The following EYS variants were observed in gnomAD, a reference collection of about 807,000 sequenced individuals.
The protein encoded by EYS is EGF-like photoreceptor maintenance factor.
In EYS, 250 loss-of-function variants were observed where a neutral mutation model predicts 282.1. That is an observed-to-expected ratio of 0.89 (90% confidence interval 0.80 to 0.98). The LOEUF is 0.98. Among genes scored for constraint, EYS ranks in the 50% least tolerant of loss-of-function variants. The probability of loss-of-function intolerance (pLI) is 0.00; values close to 1 mark genes in which losing one functional copy is unlikely to be tolerated. For synonymous variants in EYS, 1,355 were observed against 1,282.9 expected (o/e 1.06, Z -1.20); for missense variants, 4,016 against 3,709.0 (o/e 1.08, Z -2.15).
chr6:64,392,750 T>C (rs911589391), intron 28 of EYS, among the ~76,000 whole-genome samples: 2 of 148,864 alleles, frequency 1.3e-5, no homozygotes, highest in African/African-American at 2.5e-5. Context: ...TTTCAAAAGC[T>C]AGCAGAAGGC....
intron 22 of EYS, among the ~76,000 whole-genome samples, chr6:64,655,744 A>G (rs761837328): frequency 6.6e-6 from 1 of 152,032 alleles, no homozygotes; most frequent in Non-Finnish European, 1.5e-5. Context: ...TTATTGTCAA[A>G]TAAATTGGCT....
chr6:64,716,949 C>A (rs1398061097), intron 22 of EYS, among the ~76,000 whole-genome samples: 1 of 152,088 alleles, frequency 6.6e-6, no homozygotes, highest in Non-Finnish European at 1.5e-5. Context: ...TTAAGTAGGA[C>A]TCTTGGTATT....
At chr6:65,432,284 T>C (rs1337036015) in intron 5 of EYS, among the ~76,000 whole-genome samples, 1 of 152,054 alleles carries the variant, frequency 6.6e-6, no homozygotes, top group Non-Finnish European at 1.5e-5. Context: ...GGACTGGAGA[T>C]AAAATAATGA....
rs58326040 is a variant in EYS at position 65,506,460 on chromosome 6, C to CTTTTTTTTTTTTTTTTTTTTTTTT, written c.-332-10491_-332-10468dup. Among the ~76,000 whole-genome samples, 9 of 64,858 alleles carry CTTTTTTTTTTTTTTTTTTTTTTTT rather than the reference C, an allele frequency of 1.4e-4. 2 individuals are homozygous for CTTTTTTTTTTTTTTTTTTTTTTTT. The highest frequency in any genetic ancestry group is 2.2e-4 in the Non-Finnish European group (8 of 35,804). 42.5% of individuals were successfully genotyped at this position (64,858 alleles called of 152,430 possible). A position where few individuals can be genotyped will look rare whatever the true frequency, so the allele number is the denominator to read the frequency against. On this transcript the variant is annotated intron_variant, in intron 2 of 42. Coordinates refer to ENST00000503581, the MANE Select transcript of EYS (RefSeq NM_001142800.2). ...GGTTTACAATATCCTTCCTTCCTTT[C>CTTTTTTTTTTTTTTTTTTTTTTTT]TTTTTTTTTTTTTTTTTTTTTTTTT...
intron 12 of EYS, among the ~76,000 whole-genome samples, chr6:65,081,906 G>A (rs1179271151): frequency 6.6e-6 from 1 of 152,054 alleles, no homozygotes; most frequent in Non-Finnish European, 1.5e-5. Context: ...CATTAGGGCT[G>A]TCACAGGCCA....
intron 2 of EYS, among the ~76,000 whole-genome samples, chr6:65,637,434 A>G (rs1265484113): frequency 6.6e-6 from 1 of 152,234 alleles, no homozygotes; most frequent in African/African-American, 2.4e-5. Flanking sequence ...TGAGACATGG[A>G]CAGGGTTGCA....
intron 31 of EYS, among the ~76,000 whole-genome samples, chr6:64,181,798 A>C (rs1350525257): frequency 1.3e-5 from 2 of 152,160 alleles, no homozygotes; most frequent in Non-Finnish European, 2.9e-5. Context: ...TTTAAATGGA[A>C]GATTTTTCTA....
At chr6:64,686,139 G>C (rs1439112247) in intron 22 of EYS, among the ~76,000 whole-genome samples, 1 of 151,524 alleles carries the variant, frequency 6.6e-6, no homozygotes, top group Non-Finnish European at 1.5e-5. Flanking sequence ...GCAGTGCTTA[G>C]GGAAAAAATT....
chr6:64,418,032 A>G (rs1176454580), intron 28 of EYS, among the ~76,000 whole-genome samples: 1 of 152,144 alleles, frequency 6.6e-6, no homozygotes, highest in Non-Finnish European at 1.5e-5. Context: ...ATGTTTTTCA[A>G]AAATGTTTTC....
chr6:64,766,301 A>ATTCT (rs1049517967), intron 22 of EYS, among the ~76,000 whole-genome samples: 3 of 149,106 alleles, frequency 2.0e-5, no homozygotes, highest in Non-Finnish European at 4.5e-5. Context: ...TCTCTCCTTT[A>ATTCT]TTCTTTCTTT....
At chr6:65,424,196 T>C (rs771195418) in intron 5 of EYS, among the ~76,000 whole-genome samples, 6 of 152,000 alleles carry the variant, frequency 3.9e-5, no homozygotes, top group Non-Finnish European at 5.9e-5. Flanking sequence ...ACTGTCCTTC[T>C]TACTAAGTTG....
chr6:64,600,407 A>G (rs1451654838), intron 24 of EYS, among the ~76,000 whole-genome samples: 1 of 152,102 alleles, frequency 6.6e-6, no homozygotes, highest in Non-Finnish European at 1.5e-5. Context: ...TATTCTGAAG[A>G]TATCATTTAC....
Position 63,938,638 on chromosome 6 carries a change from T to C in EYS, c.7055+45745A>G, listed in dbSNP as rs552326034. Among the ~76,000 whole-genome samples the C allele has an allele frequency of 6.6e-4, 101 of 152,244 alleles. 1 individual carries two copies. Among genetic ancestry groups the C allele is most frequent in the Admixed American group, 9.8e-4 (15 of 15,286 alleles). On this transcript the variant is annotated intron_variant, in intron 35 of 42. Coordinates refer to ENST00000503581, the MANE Select transcript of EYS (RefSeq NM_001142800.2). ...GATTCTATAAACTTTTGACTTAATT[T>C]CTCTTAATTTCTGCCCAGTGTGTCA...
chr6:63,785,322 CT>C (rs1770334225), intron 39 of EYS, among the ~76,000 whole-genome samples: 1 of 152,158 alleles, frequency 6.6e-6, no homozygotes, highest in Admixed American at 6.5e-5. Flanking sequence ...CACTTGTGGC[CT>C]AACCAGTTTT....
intron 30 of EYS, among the ~76,000 whole-genome samples, chr6:64,235,612 G>A (rs1035226299): frequency 1.3e-5 from 2 of 152,046 alleles, no homozygotes; most frequent in Non-Finnish European, 2.9e-5. Flanking sequence ...CCCAGTAATG[G>A]GATGGCTGGG....
At chr6:65,386,254 G>A (rs1207492940) in intron 7 of EYS, among the ~76,000 whole-genome samples, 1 of 151,516 alleles carries the variant, frequency 6.6e-6, no homozygotes, top group East Asian at 1.9e-4. Flanking sequence ...AATACTATCT[G>A]CAATGTGTGG....
At position 65,320,732 on chromosome 6, in the gene EYS, C is replaced by T. The variant is rs530537505; in HGVS notation, c.1766+14248G>A. Reference sequence around the variant, plus strand: ...TCAGCCCCTTCAGGGATTCTTTTAGCTGCAGAGGTGCAGGTTAAACAGGTT... The same window carrying T: ...TCAGCCCCTTCAGGGATTCTTTTAGTTGCAGAGGTGCAGGTTAAACAGGTT... On this transcript the variant is annotated intron_variant, in intron 11 of 42. Transcript: ENST00000503581. 2.0e-5 allele frequency among the ~76,000 whole-genome samples: 3 copies of T among 152,314 alleles called. No homozygotes were observed. The South Asian group carries it at 6.2e-4, about 32-fold the overall frequency.
chr6:65,521,513 A>G (rs548304981), intron 2 of EYS, among the ~76,000 whole-genome samples: 1 of 152,288 alleles, frequency 6.6e-6, no homozygotes, highest in Non-Finnish European at 1.5e-5. Flanking sequence ...GAAGAAATCC[A>G]ATAATCAGGT....
chr6:64,550,814 A>G (rs1014399803), intron 26 of EYS, among the ~76,000 whole-genome samples: 3 of 152,104 alleles, frequency 2.0e-5, no homozygotes, highest in Non-Finnish European at 4.4e-5. Context: ...TTATACACCA[A>G]TAACAGACAA....
Sources: allele counts gnomAD v4.1 joint callset (sites outside exome capture counted in the v4.1 genomes callset), GRCh38; gene constraint gnomAD v4.1.1; transcripts MANE v1.5; gene names NCBI Gene and HGNC (gene_info 2026-07-23, HGNC 2026-07-21).